The following KIAA1328 variants were observed in gnomAD, a reference collection of about 807,000 sequenced individuals.
The protein encoded by KIAA1328 is protein hinderin.
KIAA1328 carries 52 observed loss-of-function variants against 68.1 expected under a neutral mutation model. That is an observed-to-expected ratio of 0.76 (90% CI 0.61 to 0.96). KIAA1328 has a LOEUF of 0.96. KIAA1328 is among the 40% of genes least tolerant of loss of function. KIAA1328 has a pLI of 0.00. For synonymous variants in KIAA1328, 232 were observed against 239.4 expected, an observed-to-expected ratio of 0.97 and a Z score of 0.28; for missense variants, 641 against 677.6, an observed-to-expected ratio of 0.95 and a Z score of 0.60.
intron 8 of KIAA1328, among the ~76,000 whole-genome samples, chr18:37,171,427 C>T (rs2654539): frequency 6.6e-6 from 1 of 152,048 alleles, no homozygotes; most frequent in African/African-American, 2.4e-5. Flanking sequence ...GTTGCCCAGG[C>T]TGGTCTTCAA....
intron 6 of KIAA1328, among the ~76,000 whole-genome samples, chr18:37,035,923 C>T (rs983530128): frequency 1.3e-5 from 2 of 152,136 alleles, no homozygotes. Context: ...TTCTTCTACT[C>T]CTCTCTGTTC....
intron 7 of KIAA1328, among the ~76,000 whole-genome samples, chr18:37,109,218 G>A (rs2057860433): frequency 6.6e-6 from 1 of 152,144 alleles, no homozygotes; most frequent in Non-Finnish European, 1.5e-5. Flanking sequence ...TTGCTATTGT[G>A]AATAGTGCTG....
chr18:37,214,399 A>G (rs1004281527), intron 9 of KIAA1328, among the ~76,000 whole-genome samples: 2 of 152,188 alleles, frequency 1.3e-5, no homozygotes, highest in Non-Finnish European at 2.9e-5. Flanking sequence ...CCATTTATTA[A>G]ATAGGGAATC....
intron 9 of KIAA1328, among the ~76,000 whole-genome samples, chr18:37,211,792 T>C (rs1001575195): frequency 2.0e-5 from 3 of 152,248 alleles, no homozygotes; most frequent in Admixed American, 6.5e-5. Context: ...ACAGTTCTCT[T>C]TCAAATGATT....
intron 6 of KIAA1328, among the ~76,000 whole-genome samples, chr18:37,027,968 A>G (rs2054658679): frequency 6.6e-6 from 1 of 152,210 alleles, no homozygotes; most frequent in African/African-American, 2.4e-5. Flanking sequence ...TCATCTGACA[A>G]AGGGCTAATA....
intron 7 of KIAA1328, among the ~76,000 whole-genome samples, chr18:37,083,088 A>G (rs2056999411): frequency 1.3e-5 from 2 of 152,236 alleles, no homozygotes. Flanking sequence ...TGTGAGGATC[A>G]GTACAATAGT....
rs183516851 is a variant in KIAA1328 at position 37,098,984 on chromosome 18, G to C, written c.1232+31439G>C. Among the ~76,000 whole-genome samples the C allele has an allele frequency of 2.1e-3, 321 of 151,968 alleles. 4 individuals carry two copies. Among genetic ancestry groups the C allele is most frequent in the African/African-American group, 7.2e-3 (298 of 41,454 alleles). ...CTCTCTTTTCTTCTTTATTAGTCTT[G>C]CTTGTGGTCTTTCAATTTTCTTGAT... On this transcript the variant is annotated intron_variant, in intron 7 of 9. Coordinates refer to ENST00000280020, the MANE Select transcript of KIAA1328 (RefSeq NM_020776.3).
intron 6 of KIAA1328, among the ~76,000 whole-genome samples, chr18:36,990,056 C>T (rs1265907405): frequency 1.3e-5 from 2 of 152,056 alleles, no homozygotes; most frequent in Non-Finnish European, 2.9e-5. Flanking sequence ...TCCTGGTCTT[C>T]GGAAGGAATT....
chr18:36,974,969 G>C (rs964054078), intron 6 of KIAA1328, among the ~76,000 whole-genome samples: 2 of 152,120 alleles, frequency 1.3e-5, no homozygotes, highest in Admixed American at 6.5e-5. Context: ...TCTGGAACCA[G>C]TTCTATCGGT....
At position 36,867,774 on chromosome 18, in the gene KIAA1328, T is replaced by G. The variant is rs144136842; in HGVS notation, c.333-17783T>G. On this transcript the variant is annotated intron_variant, in intron 4 of 9. Transcript: ENST00000280020. ...GTGAATAAAAGATATAAATAAATTT[T>G]AGAATTGGTATACTAGACGGAACAA... 9.6e-4 allele frequency among the ~76,000 whole-genome samples: 146 copies of G among 152,314 alleles called. 1 individual carries two copies. Among genetic ancestry groups the G allele is most frequent in the African/African-American group, 3.1e-3 (128 of 41,564 alleles).
chr18:36,930,643 G>A (rs2050277593), intron 5 of KIAA1328, among the ~76,000 whole-genome samples: 1 of 152,056 alleles, frequency 6.6e-6, no homozygotes, highest in African/African-American at 2.4e-5. Context: ...TACAAAGATG[G>A]TTATAAAATG....
chr18:36,861,756 C>T (rs999072008), intron 4 of KIAA1328, among the ~76,000 whole-genome samples: 1 of 151,994 alleles, frequency 6.6e-6, no homozygotes, highest in Non-Finnish European at 1.5e-5. Flanking sequence ...GCAGCCTCAA[C>T]CTCCTGGCCT....
At chr18:37,022,198 G>A (rs322636) in intron 6 of KIAA1328, among the ~76,000 whole-genome samples, 111,396 of 152,024 alleles carry the variant, frequency 0.73, 43,955 homozygotes, top group South Asian at 0.89. Flanking sequence ...GGCTGTTAAC[G>A]CTCAGGAACA....
intron 6 of KIAA1328, among the ~76,000 whole-genome samples, chr18:36,975,105 A>G (rs1057429035): frequency 1.7e-4 from 26 of 152,020 alleles, no homozygotes; most frequent in African/African-American, 6.3e-4. Context: ...TTATGTTGAT[A>G]TCAGTCACTG....
At chr18:36,939,260 A>G (rs1386795704) in intron 5 of KIAA1328, among the ~76,000 whole-genome samples, 1 of 152,158 alleles carries the variant, frequency 6.6e-6, no homozygotes, top group Non-Finnish European at 1.5e-5. Context: ...GTCATCGGCA[A>G]TTTCCTCAAT....
chr18:37,030,980 G>A (rs1254931872), intron 6 of KIAA1328, among the ~76,000 whole-genome samples: 1 of 152,034 alleles, frequency 6.6e-6, no homozygotes, highest in African/African-American at 2.4e-5. Flanking sequence ...ATGGTTTCCA[G>A]CTTCATCCAT....
chr18:37,141,395 T>C (rs1266350989), intron 7 of KIAA1328, among the ~76,000 whole-genome samples: 3 of 152,216 alleles, frequency 2.0e-5, no homozygotes, highest in South Asian at 4.1e-4. Context: ...GTTTTGGAGA[T>C]ATAGCCAAAT....
intron 6 of KIAA1328, among the ~76,000 whole-genome samples, chr18:36,998,941 T>C (rs1568272885): frequency 1.3e-5 from 2 of 152,090 alleles, no homozygotes; most frequent in East Asian, 3.9e-4. Context: ...CAAAAAGAAG[T>C]TATCAAAATC....
intron 7 of KIAA1328, among the ~76,000 whole-genome samples, chr18:37,112,249 A>T (rs1385081163): frequency 6.6e-6 from 1 of 152,186 alleles, no homozygotes; most frequent in African/African-American, 2.4e-5. Context: ...ACCCCCGAGT[A>T]GCCTAACTGG....
Sources: allele counts gnomAD v4.1 joint callset (sites outside exome capture counted in the v4.1 genomes callset), GRCh38; gene constraint gnomAD v4.1.1; transcripts MANE v1.5; gene names NCBI Gene and HGNC (gene_info 2026-07-23, HGNC 2026-07-21).